The following ADAM9 variants were observed in gnomAD, a reference collection of about 807,000 sequenced individuals.
ADAM9 encodes the protein ADAM metallopeptidase domain 9.
Under a neutral mutation model 108.1 loss-of-function variants are expected in ADAM9, and 54 were observed. The ratio of observed to expected loss-of-function variants is 0.50; its 90% CI spans 0.40 to 0.63. The LOEUF (loss-of-function observed/expected upper bound fraction) is 0.63. ADAM9 is among the 20% of genes least tolerant of loss of function. The probability of loss-of-function intolerance (pLI) is 0.00; values close to 1 mark genes in which losing one functional copy is unlikely to be tolerated. For synonymous variants in ADAM9, 316 were observed against 336.0 expected (o/e 0.94, Z 0.65); for missense variants, 830 against 997.7 (o/e 0.83, Z 2.26).
At chr8:39,096,077 T>TAA (rs11419069) in intron 20 of ADAM9, among the ~76,000 whole-genome samples, 1 of 146,138 alleles carries the variant, frequency 6.8e-6, no homozygotes, top group Non-Finnish European at 1.5e-5. Flanking sequence ...TCTTTTTAAT[T>TAA]AAAAAAATCA....
At chr8:39,003,820 ATTAG>A (rs1836079199) in intron 1 of ADAM9, among the ~76,000 whole-genome samples, 1 of 152,224 alleles carries the variant, frequency 6.6e-6, no homozygotes, top group African/African-American at 2.4e-5. Context: ...AAAATAAGTG[ATTAG>A]TTACGGCATT....
In ADAM9 at chr8:39,104,007, CAAATT is replaced by C. The variant is rs769376263; in HGVS notation, c.*310_*314del. 8 of 537,398 alleles carry C rather than the reference CAAATT, an allele frequency of 1.5e-5. No homozygotes were observed. Among genetic ancestry groups the C allele is most frequent in the South Asian group, 1.2e-4 (8 of 65,234 alleles). 33.3% of individuals were successfully genotyped at this position (537,398 alleles called of 1,614,324 possible). ...TTGAACATGTTATTGCAGTGATTCT[CAAATT>C]AACTGTATTGGTGTAAGAGTTTTGT... On this transcript the variant is annotated 3_prime_UTR_variant, in exon 22 of 22. Coordinates refer to ENST00000487273, the MANE Select transcript of ADAM9 (RefSeq NM_003816.3).
At position 39,008,417 on chromosome 8, in the gene ADAM9, G is replaced by C. The variant is rs568592158; in HGVS notation, c.195+434G>C. ...TTGAAGTCCTGACCTCAGGTCATTC[G>C]CCTGCCTCGGCCTTGCAAAGTGCTG... On this transcript the variant is annotated intron_variant, in intron 2 of 21. Coordinates refer to ENST00000487273, the MANE Select transcript of ADAM9 (RefSeq NM_003816.3). Among the ~76,000 whole-genome samples the C allele has an allele frequency of 2.6e-5, 4 of 152,140 alleles. 1 individual carries two copies. Among genetic ancestry groups the C allele is most frequent in the East Asian group, 3.9e-4 (2 of 5,184 alleles).
chr8:39,100,153 G>A (rs975445675), intron 20 of ADAM9, among the ~76,000 whole-genome samples: 12 of 151,950 alleles, frequency 7.9e-5, no homozygotes, highest in Admixed American at 4.6e-4. Flanking sequence ...GATTACAGGC[G>A]CCTGGCCACA....
chr8:39,083,104 C>T, intron 18 of ADAM9, 31 bp downstream of exon 18: 3 of 1,571,768 alleles, frequency 1.9e-6, no homozygotes, highest in Non-Finnish European at 2.6e-6. Context: ...TTAGTGTGAT[C>T]TCCCAGTGGC....
intron 16 of ADAM9, 44 bp downstream of exon 16, chr8:39,077,455 TA>T (rs768776742): frequency 7.9e-6 from 12 of 1,520,946 alleles, no homozygotes; most frequent in South Asian, 1.2e-5. Context: ...TGAAAAAAAT[TA>T]AAAAAATTAT....
At chr8:39,053,206 T>C (rs1460604771) in intron 12 of ADAM9, among the ~76,000 whole-genome samples, 2 of 152,240 alleles carry the variant, frequency 1.3e-5, no homozygotes, top group Admixed American at 6.5e-5. Flanking sequence ...GTTTTGAGAA[T>C]ACTTTGTGTA....
intron 18 of ADAM9, among the ~76,000 whole-genome samples, chr8:39,088,421 A>AT (rs1304486683): frequency 2.7e-5 from 4 of 150,882 alleles, no homozygotes; most frequent in Admixed American, 6.6e-5. Flanking sequence ...CGCCCAGCTA[A>AT]TTTTTTTTTG....
intron 18 of ADAM9, 145 bp downstream of exon 18, chr8:39,083,218 C>T: frequency 2.9e-6 from 2 of 682,734 alleles, no homozygotes; most frequent in South Asian, 1.8e-5. Flanking sequence ...TGACTGTTTC[C>T]ATTTTTCTCA....
At chr8:39,093,653 C>T (rs1839418088) in intron 20 of ADAM9, among the ~76,000 whole-genome samples, 1 of 152,162 alleles carries the variant, frequency 6.6e-6, no homozygotes, top group Admixed American at 6.5e-5. Context: ...AGTGGACATC[C>T]TTGTCTTATT....
chr8:39,095,410 A>T (rs1839473071), intron 20 of ADAM9, among the ~76,000 whole-genome samples: 1 of 152,112 alleles, frequency 6.6e-6, no homozygotes, highest in Admixed American at 6.5e-5. Flanking sequence ...ATTGTTTAGG[A>T]GCATGTTGTT....
In ADAM9 at chr8:39,077,271, A is replaced by T. The variant is rs771958240; in HGVS notation, c.1741A>T (p.Ile581Leu). The T allele has an allele frequency of 2.6e-5, 42 of 1,614,030 alleles. No homozygotes were observed. The highest frequency in any genetic ancestry group is 3.2e-5 in the Non-Finnish European group (38 of 1,179,994). ...GCTTCAGTGTGAGAATGTACAAGAG[A>T]TACCTGTATTTGGAATTGTGCCTGC... is the stretch of plus-strand genomic sequence containing the variant. ...GKLQCENVQE[I>L]PVFGIVPAII... The change falls in exon 16 of 22, where the codon ATA becomes TTA. Residue 581 changes from isoleucine to leucine, a missense_variant. Physicochemically the swap from Ile to Leu is conservative, Grantham distance 5. This residue lies in a region of ADAM9 where 381 missense variants were observed against 539.8 expected (regional missense o/e 0.71). Transcript: ENST00000487273.
chr8:39,045,280 GTA>G lies in ADAM9; in HGVS notation c.1302+3167_1302+3168del, dbSNP rs200374824. Among the ~76,000 whole-genome samples the G allele has an allele frequency of 9.3e-3, 1,009 of 108,440 alleles. 51 individuals carry two copies. Among genetic ancestry groups the G allele is most frequent in the African/African-American group, 0.039 (832 of 21,122 alleles). 71.1% of individuals were successfully genotyped at this position (108,440 alleles called of 152,430 possible). ...TGTATATATGTGTATACATACATATGTATATGTGTGTGTACACCTATACATGT... is the reference window on the plus strand; with the variant it reads ...TGTATATATGTGTATACATACATATGTATGTGTGTGTACACCTATACATGT... On this transcript the variant is annotated intron_variant, in intron 12 of 21. Coordinates refer to ENST00000487273, the MANE Select transcript of ADAM9 (RefSeq NM_003816.3).
At chr8:39,037,018 A>G (rs1837297388) in intron 11 of ADAM9, among the ~76,000 whole-genome samples, 1 of 151,756 alleles carries the variant, frequency 6.6e-6, no homozygotes, top group African/African-American at 2.4e-5. Flanking sequence ...TAGGGACTAA[A>G]ATATAGGACT....
chr8:39,084,444 T>C (rs867465962), intron 18 of ADAM9, among the ~76,000 whole-genome samples: 4 of 151,852 alleles, frequency 2.6e-5, no homozygotes, highest in Admixed American at 1.3e-4. Flanking sequence ...CCTTCTAATA[T>C]GCTTTTTTTT....
rs1237784742 is a variant in ADAM9 at position 39,103,952 on chromosome 8, G to A, written c.*252G>A. 8 of 641,836 alleles carry A rather than the reference G, an allele frequency of 1.2e-5. No individual in the cohort carries two copies. The East Asian group carries it at 1.9e-4, about 15-fold the overall frequency. The allele number at this position is 641,836 out of a possible 1,614,324, so 39.8% of individuals were successfully genotyped here. A position where few individuals can be genotyped will look rare whatever the true frequency, so the allele number is the denominator to read the frequency against. ...ATTGAATAAGTCTTATTCAGTCATC[G>A]GTGAGGTTAATGCACTAATCATGGA... On this transcript the variant is annotated 3_prime_UTR_variant, in exon 22 of 22. Transcript: ENST00000487273.
chr8:39,051,760 G>C (rs975631153), intron 12 of ADAM9, among the ~76,000 whole-genome samples: 2 of 152,020 alleles, frequency 1.3e-5, no homozygotes, highest in African/African-American at 4.8e-5. Context: ...ACATTTTTCT[G>C]TATCATTTTA....
At position 39,014,809 on chromosome 8, in the gene ADAM9, A is replaced by G. The variant is rs1033195698; in HGVS notation, c.333+766A>G. 12 of 384,662 alleles carry G rather than the reference A, an allele frequency of 3.1e-5. No homozygotes were observed. In the Admixed American group the frequency reaches 5.1e-4, roughly 16 times the overall value. 23.8% of individuals were successfully genotyped at this position (384,662 alleles called of 1,614,324 possible). A position where few individuals can be genotyped will look rare whatever the true frequency, so the allele number is the denominator to read the frequency against. On this transcript the variant is annotated intron_variant, in intron 4 of 21. Coordinates refer to ENST00000487273, the MANE Select transcript of ADAM9 (RefSeq NM_003816.3). ...CGCACTTTTGCAGCATTCTTCAAAT[A>G]GGAGGCAAAAAAATCTTTAGATTAA...
intron 12 of ADAM9, among the ~76,000 whole-genome samples, chr8:39,043,767 C>CT (rs1368409165): frequency 2.0e-5 from 3 of 152,112 alleles, no homozygotes; most frequent in Non-Finnish European, 2.9e-5. Context: ...TTTCAGCCCT[C>CT]ACACCCCTCC....
Sources: gnomAD v4.1 joint callset for allele counts (sites outside exome capture counted in the v4.1 genomes callset) on GRCh38, gnomAD v4.1.1 for gene constraint, gnomAD v4.1.1 regional missense constraint, MANE v1.5 for transcripts, NCBI Gene and HGNC (gene_info 2026-07-23, HGNC 2026-07-21) for gene names.